ESRRG: variants seen among roughly 807,000 people sequenced by gnomAD.
The protein encoded by ESRRG is estrogen related receptor gamma, also known as estrogen-related receptor gamma.
Under a neutral mutation model 44.0 loss-of-function variants are expected in ESRRG, and 13 were observed. That is an observed-to-expected ratio of 0.30 (90% confidence interval 0.19 to 0.47). ESRRG has a LOEUF of 0.47. Among genes scored for constraint, ESRRG ranks in the 20% least tolerant of loss-of-function variants. The pLI is 1.00. For synonymous variants in ESRRG, 215 were observed against 214.6 expected (o/e 1.00, Z -0.02); for missense variants, 395 against 580.6 (o/e 0.68, Z 3.29).
chr1:216,567,755 G>C (rs768339672), intron 4 of ESRRG, among the ~76,000 whole-genome samples: 1 of 151,878 alleles, frequency 6.6e-6, no homozygotes, highest in Non-Finnish European at 1.5e-5. Flanking sequence ...AAATGACTAG[G>C]TTAAAAAAAG....
chr1:216,992,773 T>C (rs2075897959), intron 1 of ESRRG, among the ~76,000 whole-genome samples: 1 of 152,206 alleles, frequency 6.6e-6, no homozygotes, highest in Non-Finnish European at 1.5e-5. Flanking sequence ...AGGCTTAATG[T>C]ATACCATTAT....
intron 1 of ESRRG, among the ~76,000 whole-genome samples, chr1:217,042,596 C>T (rs181395390): frequency 2.9e-4 from 44 of 152,150 alleles, no homozygotes; most frequent in African/African-American, 9.1e-4. Context: ...CCACACTCCC[C>T]CCTGCCCTTG....
chr1:216,862,929 C>T (rs2096076745), intron 2 of ESRRG: 1 of 151,864 alleles, frequency 6.6e-6, no homozygotes, highest in African/African-American at 2.4e-5. Context: ...AGAGCTGGTA[C>T]AAACAAAGAT....
chr1:216,545,259 C>G (rs2054154884), intron 5 of ESRRG, among the ~76,000 whole-genome samples: 1 of 149,848 alleles, frequency 6.7e-6, no homozygotes, highest in South Asian at 2.1e-4. Flanking sequence ...GACAGGATCT[C>G]ACTATGTTGT....
chr1:216,934,741 T>C (rs542025495), intron 2 of ESRRG, among the ~76,000 whole-genome samples: 1 of 152,258 alleles, frequency 6.6e-6, no homozygotes, highest in East Asian at 1.9e-4. Context: ...GGAGCTACAA[T>C]TCAAGATGAG....
chr1:217,135,114 ACTGCGTC>A (rs1409204710), intron 1 of ESRRG, among the ~76,000 whole-genome samples: 2 of 152,210 alleles, frequency 1.3e-5, no homozygotes, highest in African/African-American at 2.4e-5. Context: ...CTTCCTGGGC[ACTGCGTC>A]CTCATTCCCA....
At chr1:216,758,650 T>C (rs2092599833) in intron 2 of ESRRG, among the ~76,000 whole-genome samples, 1 of 151,988 alleles carries the variant, frequency 6.6e-6, no homozygotes, top group Non-Finnish European at 1.5e-5. Context: ...GAAAGTCAAA[T>C]TCTTTTTCAG....
intron 2 of ESRRG, among the ~76,000 whole-genome samples, chr1:216,819,159 C>G (rs1264169443): frequency 1.3e-5 from 2 of 152,136 alleles, no homozygotes; most frequent in African/African-American, 2.4e-5. Flanking sequence ...AAGGAATTGT[C>G]ACACTGTCTT....
intron 1 of ESRRG, among the ~76,000 whole-genome samples, chr1:216,974,830 C>T (rs1241197169): frequency 2.6e-5 from 4 of 151,474 alleles, no homozygotes; most frequent in East Asian, 1.9e-4. Context: ...TCTCTCCCCT[C>T]GGAGGACAGG....
intron 1 of ESRRG, among the ~76,000 whole-genome samples, chr1:217,115,223 T>C (rs1340421302): frequency 6.6e-6 from 1 of 152,232 alleles, no homozygotes. Context: ...TCTCCCAGAC[T>C]GAATAACTTG....
chr1:216,762,236 C>T (rs1171863602), intron 2 of ESRRG, among the ~76,000 whole-genome samples: 1 of 140,522 alleles, frequency 7.1e-6, no homozygotes. Context: ...TATCATGCTG[C>T]TATAAAGACA....
At chr1:217,063,662 G>T (rs1349484174) in intron 1 of ESRRG, among the ~76,000 whole-genome samples, 1 of 152,188 alleles carries the variant, frequency 6.6e-6, no homozygotes, top group Non-Finnish European at 1.5e-5. Flanking sequence ...TGAGGCAGAA[G>T]AGAAAGAGCA....
chr1:216,655,967 C>G (rs2070413936), intron 2 of ESRRG, among the ~76,000 whole-genome samples: 2 of 152,130 alleles, frequency 1.3e-5, no homozygotes, highest in Admixed American at 6.6e-5. Context: ...GCCCCAAGCA[C>G]CTGGGTAACA....
intron 3 of ESRRG, among the ~76,000 whole-genome samples, chr1:216,637,962 C>A (rs1425103490): frequency 6.6e-6 from 1 of 151,102 alleles, no homozygotes; most frequent in African/African-American, 2.4e-5. Context: ...ATTCCTGCAC[C>A]CAAATTACAA....
At chr1:216,888,403 G>A (rs189848309) in intron 2 of ESRRG, among the ~76,000 whole-genome samples, 14 of 152,184 alleles carry the variant, frequency 9.2e-5, no homozygotes, top group African/African-American at 2.4e-4. Context: ...GGAATAATTC[G>A]CTAAATTTCT....
intron 2 of ESRRG, among the ~76,000 whole-genome samples, chr1:216,744,384 T>A (rs1445244595): frequency 6.6e-6 from 1 of 152,046 alleles, no homozygotes; most frequent in Non-Finnish European, 1.5e-5. Context: ...GAAGTAAACA[T>A]CAACTGTACA....
intron 1 of ESRRG, among the ~76,000 whole-genome samples, chr1:216,971,541 T>C (rs1274936106): frequency 6.6e-6 from 1 of 152,190 alleles, no homozygotes; most frequent in Non-Finnish European, 1.5e-5. Context: ...AAAAGATTCA[T>C]CTGTTATTTC....
chr1:216,639,661 A>G (rs911777906), intron 3 of ESRRG, among the ~76,000 whole-genome samples: 1 of 152,228 alleles, frequency 6.6e-6, no homozygotes, highest in African/African-American at 2.4e-5. Context: ...AAAATGGTGC[A>G]GACATAATAA....
intron 1 of ESRRG, among the ~76,000 whole-genome samples, chr1:216,708,791 A>G (rs994365891): frequency 1.3e-5 from 2 of 152,216 alleles, no homozygotes; most frequent in African/African-American, 4.8e-5. Flanking sequence ...CCTGTTCACA[A>G]TAGCAAAGAC....
Sources: gnomAD v4.1 joint callset for allele counts (sites outside exome capture counted in the v4.1 genomes callset) on GRCh38, gnomAD v4.1.1 for gene constraint, MANE v1.5 for transcripts, NCBI Gene and HGNC (gene_info 2026-07-23, HGNC 2026-07-21) for gene names.